Variants in KRT81 observed in about 807,000 individuals in gnomAD.
KRT81 encodes the protein keratin, type II cuticular Hb1.
KRT81 carries 35 observed loss-of-function variants against 35.8 expected under a neutral mutation model. That is an observed-to-expected ratio of 0.98 (90% CI 0.75 to 1.30). The LOEUF (loss-of-function observed/expected upper bound fraction) is 1.30. Ranked by LOEUF, KRT81 falls within the 50% of genes most tolerant of loss-of-function variation. The pLI is 0.00. For synonymous variants in KRT81, 249 were observed against 251.2 expected, an observed-to-expected ratio of 0.99 and a Z score of 0.08; for missense variants, 531 against 577.4, an observed-to-expected ratio of 0.92 and a Z score of 0.82.
At chr12:52,286,669 C>T in intron 8 of KRT81, 122 bp downstream of exon 8, 1 of 1,235,372 alleles carries the variant, frequency 8.1e-7, no homozygotes, top group Non-Finnish European at 1.2e-6. Flanking sequence ...ACCCCAAATC[C>T]CTCCTGTTGT....
chr12:52,287,232 C>A lies in KRT81; in HGVS notation c.1117G>T (p.Gly373Cys), dbSNP rs762553734. The change falls in exon 7 of 9, where the codon GGC (glycine) becomes TGC (cysteine). Residue 373 changes from glycine to cysteine, a missense_variant. By Grantham distance (159) the Gly-to-Cys change is radical. This residue lies in a region of KRT81 where 49 missense variants were observed against 87.8 expected (regional missense o/e 0.56). Coordinates refer to ENST00000327741, the MANE Select transcript of KRT81 (RefSeq NM_002281.4). ...DARCKLAELE[G>C]ALQKAKQDMA... The stretch of plus-strand genomic sequence containing the variant: ...TCCTGCTTGGCCTTCTGCAGGGCGC[C>A]CTCCAGCTCGGCCAGCTTGCAGCGG... The A allele has an allele frequency of 1.2e-6, 2 of 1,614,114 alleles. No homozygotes were observed. Among genetic ancestry groups the A allele is most frequent in the Admixed American group, 1.7e-5 (1 of 60,028 alleles).
chr12:52,288,142 G>C lies in KRT81; in HGVS notation c.742C>G (p.Leu248Val), dbSNP rs750207945. 4.3e-6 allele frequency: 7 copies of C among 1,614,050 alleles called. No individual in the cohort carries two copies. In the South Asian group the frequency reaches 4.4e-5, roughly 10 times the overall value. ...FLRRLYEEEI[L>V]ILQSHISDTS... ...TCTGAGATGTGCGACTGGAGAATGAGGATCTCCTGCAGGAGGTGAGGGCAG... is the reference window on the plus strand; with the variant it reads ...TCTGAGATGTGCGACTGGAGAATGACGATCTCCTGCAGGAGGTGAGGGCAG... The change falls in exon 5 of 9, where the codon CTC becomes GTC. Residue 248 changes from leucine to valine, a missense_variant. Coordinates refer to ENST00000327741, the MANE Select transcript of KRT81 (RefSeq NM_002281.4).
At position 52,286,832 on chromosome 12, in the gene KRT81, A is replaced by C; in HGVS notation, c.1248-10T>G. 3 of 1,613,838 alleles carry C rather than the reference A, an allele frequency of 1.9e-6. No individual in the cohort carries two copies. The highest frequency in any genetic ancestry group is 2.5e-6 in the Non-Finnish European group (3 of 1,179,872). On this transcript the variant is annotated splice_polypyrimidine_tract_variant and intron_variant, in intron 7 of 8. Coordinates refer to ENST00000327741, the MANE Select transcript of KRT81 (RefSeq NM_002281.4). ...AATGCCTTCACATAGCCTGAGGGCA[A>C]AAGAGAAAAAGGCAACATTAGTGAC... is the stretch of plus-strand genomic sequence containing the variant.
At chr12:52,286,632 C>T (rs577895369) in intron 8 of KRT81, 139 bp from the exon 9 acceptor site, 2 of 1,188,950 alleles carry the variant, frequency 1.7e-6, no homozygotes, top group African/African-American at 3.0e-5. Flanking sequence ...CCATCTAGTC[C>T]AAGAGCTGGG....
intron 7 of KRT81, 80 bp downstream of exon 7, chr12:52,287,022 C>T: frequency 2.5e-6 from 4 of 1,609,834 alleles, no homozygotes; most frequent in Non-Finnish European, 3.4e-6. Context: ...GAGCCCTGGC[C>T]ATTGCTCAGC....
rs1338643274 is a variant in KRT81, at chr12:52,291,442, A to G, written c.24T>C (p.Gly8=). 3.1e-6 allele frequency: 5 copies of G among 1,612,734 alleles called. No individual in the cohort carries two copies. Among genetic ancestry groups the G allele is most frequent in the East Asian group, 2.2e-5 (1 of 44,836 alleles). Residue 8 remains glycine (G), a synonymous_variant, in exon 1 of 9, where the codon GGT becomes GGC. Coordinates refer to ENST00000327741, the MANE Select transcript of KRT81 (RefSeq NM_002281.4). MTCGSGF[G]GRAFSCISAC... is the part of the protein sequence containing the mutation. ...CCGAGATGCAGCTGAAGGCGCGCCC[A>G]CCAAATCCTGATCCGCAGGTCATGA...
Position 52,288,021 on chromosome 12 carries a change from C to A in KRT81, c.863G>T (p.Arg288Leu), listed in dbSNP as rs536514099. Reference sequence around the variant, plus strand: ...CCAGGACTCGGCCTCGGCCCGGCTGCGGGTGACAATGTCGTCATACTGTGC... The same window carrying A: ...CCAGGACTCGGCCTCGGCCCGGCTGAGGGTGACAATGTCGTCATACTGTGC... ...IKAQYDDIVT[R>L]SRAEAESWYR... Residue 288 changes from arginine (R) to leucine (L), a missense_variant, in exon 5 of 9, where the codon CGC becomes CTC. Coordinates refer to ENST00000327741, the MANE Select transcript of KRT81 (RefSeq NM_002281.4). 22 of 1,614,214 alleles carry A rather than the reference C, an allele frequency of 1.4e-5. No homozygotes were observed. In the South Asian group the frequency reaches 2.1e-4, roughly 15 times the overall value.
intron 3 of KRT81, among the ~76,000 whole-genome samples, chr12:52,288,745 C>T (rs1473097455): frequency 2.0e-5 from 3 of 152,080 alleles, no homozygotes; most frequent in Non-Finnish European, 4.4e-5. Flanking sequence ...ACTGACCCCC[C>T]AGCTCTCACA....
chr12:52,291,364 G>A lies in KRT81; in HGVS notation c.102C>T (p.Gly34=), dbSNP rs1938114918. Residue 34 remains glycine (G), a synonymous_variant, in exon 1 of 9, where the codon GGC becomes GGT. Coordinates refer to ENST00000327741, the MANE Select transcript of KRT81 (RefSeq NM_002281.4). ...CGGTGAGGCCGCGGTAGCAGGAGAT[G>A]CCACGGTAGGGGGCGGCGGTGATGC... ...RCCITAAPYR[G]ISCYRGLTGG... is the part of the protein sequence containing the mutation. 1 of 1,599,778 alleles carries A rather than the reference G, an allele frequency of 6.3e-7. No homozygotes were observed. The highest frequency in any genetic ancestry group is 8.5e-7 in the Non-Finnish European group (1 of 1,174,042).
intron 6 of KRT81, 137 bp from the exon 7 acceptor site, chr12:52,287,459 G>C (rs750777800): frequency 2.5e-5 from 40 of 1,575,558 alleles, no homozygotes; most frequent in Non-Finnish European, 2.2e-5. Context: ...GGGACTCATT[G>C]AGAGACCACG....
Position 52,287,971 on chromosome 12 carries a change from C to T in KRT81, c.900+13G>A, listed in dbSNP as rs1322420105. 6.2e-7 allele frequency: 1 copy of T among 1,614,194 alleles called. No homozygotes were observed. The highest frequency in any genetic ancestry group is 1.7e-5 in the Admixed American group (1 of 60,026). ...CTGACACGTCTAGCAGGCAGGTGTC[C>T]TGTGCCACTCACCTTGCTGCGGTAC... On this transcript the variant is annotated intron_variant, in intron 5 of 8. Coordinates refer to ENST00000327741, the MANE Select transcript of KRT81 (RefSeq NM_002281.4).
Position 52,287,589 on chromosome 12 carries a change from C to T in KRT81, c.1026+7G>A, listed in dbSNP as rs1466276500. The T allele has an allele frequency of 6.2e-7, 1 of 1,613,754 alleles. No individual in the cohort carries two copies. ...TCTCTCTGACCTTGCGCACAGATGCCCCATACCTGGCACTTGGCATTCTCC... is the reference window on the plus strand; with the variant it reads ...TCTCTCTGACCTTGCGCACAGATGCTCCATACCTGGCACTTGGCATTCTCC... On this transcript the variant is annotated splice_region_variant and intron_variant, in intron 6 of 8. Transcript: ENST00000327741.
At position 52,291,399 on chromosome 12, in the gene KRT81, C is replaced by T. The variant is rs767061164; in HGVS notation, c.67G>A (p.Gly23Ser). The change falls in exon 1 of 9, where the codon GGC becomes AGC. Residue 23 changes from glycine to serine, a missense_variant. By Grantham distance (56) the Gly-to-Ser change is moderately conservative (BLOSUM62 0). Coordinates refer to ENST00000327741, the MANE Select transcript of KRT81 (RefSeq NM_002281.4). ...SCISACGPRP[G>S]RCCITAAPYR... ...GGGGCGGCGGTGATGCAGCAGCGGC[C>T]GGGCCGCGGCCCGCAGGCCGAGATG... The T allele has an allele frequency of 1.9e-5, 31 of 1,609,510 alleles. No individual in the cohort carries two copies. In the South Asian group the frequency reaches 3.1e-4, roughly 16 times the overall value.
chr12:52,286,965 C>CCAGCCCTCCCCA (rs1937962767), intron 7 of KRT81, 137 bp downstream of exon 7: 1 of 1,550,708 alleles, frequency 6.4e-7, no homozygotes, highest in Non-Finnish European at 8.8e-7. Context: ...AACTCACACA[C>CCAGCCCTCCCCA]CAGCCCTCCC....
intron 7 of KRT81, 46 bp from the exon 8 acceptor site, chr12:52,286,868 T>G: frequency 6.2e-7 from 1 of 1,610,082 alleles, no homozygotes; most frequent in Non-Finnish European, 8.5e-7. Flanking sequence ...TGCCCCAGAG[T>G]GGCTGAAAAA....
chr12:52,289,172 T>A, intron 3 of KRT81, 43 bp downstream of exon 3: 1 of 231,888 alleles, frequency 4.3e-6, no homozygotes, highest in Non-Finnish European at 7.9e-6. Context: ...TCTGTCATTC[T>A]GAGATCCCAC....
rs1399766209 is a variant in KRT81, at chr12:52,288,415, G to A, written c.681C>T (p.Ala227=). Residue 227 remains alanine (A), a synonymous_variant, in exon 4 of 9, where the codon GCC becomes GCT. Transcript: ENST00000327741. ...CAYLRKSDLE[A]NVEALIQEID... ...TCTCCTGGATCAGGGCCTCCACGTTGGCCTCCAGGTCTGACTTGCGGAGGT... is the reference window on the plus strand; with the variant it reads ...TCTCCTGGATCAGGGCCTCCACGTTAGCCTCCAGGTCTGACTTGCGGAGGT... 1 of 1,614,036 alleles carries A rather than the reference G, an allele frequency of 6.2e-7. No individual in the cohort carries two copies. Among genetic ancestry groups the A allele is most frequent in the Non-Finnish European group, 8.5e-7 (1 of 1,180,026 alleles).
intron 6 of KRT81, 102 bp downstream of exon 6, chr12:52,287,494 G>A (rs1565740525): frequency 6.2e-7 from 1 of 1,607,180 alleles, no homozygotes; most frequent in Middle Eastern, 1.9e-4. Flanking sequence ...ATGGACAAAG[G>A]GGGTGGAGAA....
rs201504587 is a variant in KRT81, at chr12:52,287,672, C to T, written c.950G>A (p.Arg317His). ...CAGCTCATTGATCTCCTCCTTGGTGCGGCGCAGGGTCTCCCCGTGCCTGAT... is the reference window on the plus strand; with the variant it reads ...CAGCTCATTGATCTCCTCCTTGGTGTGGCGCAGGGTCTCCCCGTGCCTGAT... Reference protein sequence around the residue: ...TVIRHGETLRRTKEEINELNR... With the variant: ...TVIRHGETLRHTKEEINELNR... Residue 317 changes from arginine (R) to histidine (H), a missense_variant, in exon 6 of 9, where the codon CGC (arginine) becomes CAC (histidine). By Grantham distance (29) the Arg-to-His change is conservative (BLOSUM62 0). This residue lies in a region of KRT81 where 194 missense variants were observed against 198.2 expected (regional missense o/e 0.98). Transcript: ENST00000327741. 85 of 1,613,902 alleles carry T rather than the reference C, an allele frequency of 5.3e-5. No homozygotes were observed. Among genetic ancestry groups the T allele is most frequent in the African/African-American group, 1.5e-4 (11 of 75,018 alleles).
Sources: gnomAD v4.1 joint callset for allele counts (sites outside exome capture counted in the v4.1 genomes callset) on GRCh38, gnomAD v4.1.1 for gene constraint, gnomAD v4.1.1 regional missense constraint, MANE v1.5 for transcripts, NCBI Gene and HGNC (gene_info 2026-07-23, HGNC 2026-07-21) for gene names.